Variants in DCUN1D3 observed in about 807,000 individuals in gnomAD.
DCUN1D3 encodes defective in cullin neddylation 1 domain containing 3, also known as DCN1-like protein 3.
Under a neutral mutation model 24.8 loss-of-function variants are expected in DCUN1D3, and 6 were observed. The ratio of observed to expected loss-of-function variants is 0.24; its 90% confidence interval spans 0.13 to 0.48. The LOEUF (loss-of-function observed/expected upper bound fraction) is 0.48. DCUN1D3 is among the 20% of genes least tolerant of loss of function. The probability of loss-of-function intolerance (pLI) is 0.99; values close to 1 mark genes in which losing one functional copy is unlikely to be tolerated. For missense variants in DCUN1D3, 258 were observed against 379.4 expected, an observed-to-expected ratio of 0.68 and a Z score of 2.66; for synonymous variants, 120 against 144.9, an observed-to-expected ratio of 0.83 and a Z score of 1.24.
intron 1 of DCUN1D3, among the ~76,000 whole-genome samples, chr16:20,893,322 A>T (rs2081900662): frequency 6.6e-6 from 1 of 152,040 alleles, no homozygotes; most frequent in African/African-American, 2.4e-5. Context: ...ACAGGTGCAC[A>T]CCACCACGCC....
At chr16:20,890,150 T>C (rs1340958181) in intron 1 of DCUN1D3, among the ~76,000 whole-genome samples, 10 of 152,212 alleles carry the variant, frequency 6.6e-5, no homozygotes, top group African/African-American at 2.4e-4. Context: ...AACAAAACTG[T>C]AATCCTAAAT....
At chr16:20,879,293 G>A (rs907997499) in intron 1 of DCUN1D3, among the ~76,000 whole-genome samples, 4 of 152,168 alleles carry the variant, frequency 2.6e-5, no homozygotes, top group Non-Finnish European at 4.4e-5. Flanking sequence ...GTCCACCAGT[G>A]ACAGAATTAA....
chr16:20,877,384 G>A (rs965363792), intron 1 of DCUN1D3, among the ~76,000 whole-genome samples: 7 of 152,108 alleles, frequency 4.6e-5, no homozygotes, highest in African/African-American at 1.7e-4. Context: ...TCAGCACAAC[G>A]CTGTTTTACT....
At chr16:20,873,514 A>G (rs2081799825) in intron 1 of DCUN1D3, among the ~76,000 whole-genome samples, 1 of 152,184 alleles carries the variant, frequency 6.6e-6, no homozygotes, top group South Asian at 2.1e-4. Context: ...TAGTGTGAAG[A>G]CTAACATGGG....
chr16:20,875,349 A>G (rs1042029685), intron 1 of DCUN1D3, among the ~76,000 whole-genome samples: 28 of 152,104 alleles, frequency 1.8e-4, no homozygotes, highest in African/African-American at 5.3e-4. Context: ...CCAACATTCA[A>G]TTCTCTCACT....
chr16:20,897,324 T>G (rs183177230), intron 1 of DCUN1D3, among the ~76,000 whole-genome samples: 2 of 152,280 alleles, frequency 1.3e-5, no homozygotes, highest in Admixed American at 1.3e-4. Context: ...CAGCACACCA[T>G]TAGAGATGAA....
intron 1 of DCUN1D3, among the ~76,000 whole-genome samples, chr16:20,894,201 C>T (rs2081905060): frequency 6.6e-6 from 1 of 152,062 alleles, no homozygotes; most frequent in South Asian, 2.1e-4. Flanking sequence ...CCTGGGAGGT[C>T]GAGGCTGCCG....
At chr16:20,890,777 A>G (rs2152518877) in intron 1 of DCUN1D3, among the ~76,000 whole-genome samples, 1 of 152,144 alleles carries the variant, frequency 6.6e-6, no homozygotes, top group Middle Eastern at 3.4e-3. Context: ...AAAACTAACC[A>G]TTCTGATGCT....
intron 1 of DCUN1D3, among the ~76,000 whole-genome samples, chr16:20,870,787 AT>A (rs2152516887): frequency 6.6e-6 from 1 of 152,308 alleles, no homozygotes; most frequent in Admixed American, 6.5e-5. Flanking sequence ...TTTCATCTAA[AT>A]AGTTTGTAGA....
At chr16:20,875,910 A>G (rs1322784932) in intron 1 of DCUN1D3, among the ~76,000 whole-genome samples, 3 of 152,194 alleles carry the variant, frequency 2.0e-5, no homozygotes, top group African/African-American at 4.8e-5. Context: ...AGAATATATA[A>G]GGAGCTCAAA....
intron 1 of DCUN1D3, among the ~76,000 whole-genome samples, chr16:20,898,543 G>A (rs926880052): frequency 2.6e-5 from 4 of 152,214 alleles, no homozygotes; most frequent in African/African-American, 9.7e-5. Context: ...CAGTTAAAGT[G>A]AGAACAGTAG....
chr16:20,890,918 T>TC (rs1351479210), intron 1 of DCUN1D3, among the ~76,000 whole-genome samples: 1 of 151,916 alleles, frequency 6.6e-6, no homozygotes, highest in Non-Finnish European at 1.5e-5. Flanking sequence ...TCAAAATTTT[T>TC]TTTTTTTTTT....
chr16:20,883,499 C>T (rs1014098419), intron 1 of DCUN1D3, among the ~76,000 whole-genome samples: 6 of 151,790 alleles, frequency 4.0e-5, no homozygotes, highest in African/African-American at 7.3e-5. Flanking sequence ...GGTGACAGAG[C>T]GCAACTCCAT....
At chr16:20,888,107 C>T (rs1016779269) in intron 1 of DCUN1D3, among the ~76,000 whole-genome samples, 16 of 152,166 alleles carry the variant, frequency 1.1e-4, no homozygotes, top group Non-Finnish European at 2.9e-5. Context: ...TATACACTGT[C>T]CCATAAACTG....
At chr16:20,889,416 T>C (rs547963749) in intron 1 of DCUN1D3, among the ~76,000 whole-genome samples, 1 of 152,152 alleles carries the variant, frequency 6.6e-6, no homozygotes, top group South Asian at 2.1e-4. Context: ...ATCTGTATTA[T>C]AAAGTAAGCT....
chr16:20,875,963 T>TTTTA (rs771411271), intron 1 of DCUN1D3, among the ~76,000 whole-genome samples: 52 of 152,074 alleles, frequency 3.4e-4, no homozygotes, highest in Non-Finnish European at 5.4e-4. Context: ...CTGATTTTTA[T>TTTTA]TTTATTTATT....
intron 1 of DCUN1D3, among the ~76,000 whole-genome samples, chr16:20,889,844 C>T (rs2081883845): frequency 1.3e-5 from 2 of 152,074 alleles, no homozygotes; most frequent in Admixed American, 1.3e-4. Flanking sequence ...CTAGCCAAAC[C>T]AGAAAGACCA....
chr16:20,889,169 G>A (rs1343334305), intron 1 of DCUN1D3, among the ~76,000 whole-genome samples: 1 of 144,672 alleles, frequency 6.9e-6, no homozygotes, highest in Admixed American at 7.2e-5. Context: ...AGGTTGCAGT[G>A]AGCTGAGATC....
chr16:20,893,753 G>C (rs1193210349), intron 1 of DCUN1D3, among the ~76,000 whole-genome samples: 1 of 152,170 alleles, frequency 6.6e-6, no homozygotes, highest in Non-Finnish European at 1.5e-5. Flanking sequence ...TTCTGCAAGG[G>C]TCTGACTTTT....
Sources: gnomAD v4.1 joint callset for allele counts (sites outside exome capture counted in the v4.1 genomes callset) on GRCh38, gnomAD v4.1.1 for gene constraint, MANE v1.5 for transcripts, NCBI Gene and HGNC (gene_info 2026-07-23, HGNC 2026-07-21) for gene names.